NXN: variants seen among roughly 807,000 people sequenced by gnomAD.
NXN encodes nucleoredoxin 1.
NXN carries 16 observed loss-of-function variants against 48.6 expected under a neutral mutation model. That is an observed-to-expected ratio of 0.33 (90% confidence interval 0.22 to 0.50). The LOEUF is 0.50. NXN is among the 20% of genes least tolerant of loss of function. The pLI, the probability that NXN is intolerant of heterozygous loss-of-function variation, is 0.98. For synonymous variants in NXN, 281 were observed against 269.6 expected, an observed-to-expected ratio of 1.04 and a Z score of -0.41; for missense variants, 492 against 605.5, an observed-to-expected ratio of 0.81 and a Z score of 1.97.
chr17:901,172 C>T (rs4025779), intron 1 of NXN, among the ~76,000 whole-genome samples: 1 of 152,074 alleles, frequency 6.6e-6, no homozygotes, highest in African/African-American at 2.4e-5. Context: ...CTGCCCGCCT[C>T]GGCCTCCCAA....
chr17:973,094 C>G (rs947400526), intron 1 of NXN, among the ~76,000 whole-genome samples: 1 of 151,954 alleles, frequency 6.6e-6, no homozygotes. Context: ...TGCCTCTGTG[C>G]TCTAGCTCAC....
At chr17:862,361 CAT>C (rs1443847559) in intron 1 of NXN, among the ~76,000 whole-genome samples, 4 of 152,110 alleles carry the variant, frequency 2.6e-5, no homozygotes, top group Non-Finnish European at 4.4e-5. Flanking sequence ...AAAACATAAA[CAT>C]AAAAATAAAA....
intron 5 of NXN, among the ~76,000 whole-genome samples, chr17:812,843 GGTGTGTGCAT>G (rs1006703142): frequency 6.8e-6 from 1 of 146,166 alleles, no homozygotes; most frequent in Admixed American, 6.9e-5. Context: ...TGTGAGTGTA[GGTGTGTGCAT>G]GTGTGTAGGT....
At chr17:964,815 G>C (rs2069282622) in intron 1 of NXN, among the ~76,000 whole-genome samples, 1 of 152,192 alleles carries the variant, frequency 6.6e-6, no homozygotes, top group African/African-American at 2.4e-5. Context: ...AAGGACAGTG[G>C]GCTGCTTTGC....
Position 820,980 on chromosome 17 carries a change from G to A in NXN, c.713+1377C>T, listed in dbSNP as rs1185094793. On this transcript the variant is annotated intron_variant, in intron 4 of 7. Coordinates refer to ENST00000336868, the MANE Select transcript of NXN (RefSeq NM_022463.5). Reference sequence around the variant, plus strand: ...ACTGCTGCACCTGGCACGGCTTCACGCTGAGACGGGAGCTGTGGCATGGCA... The same window carrying A: ...ACTGCTGCACCTGGCACGGCTTCACACTGAGACGGGAGCTGTGGCATGGCA... 2.8e-5 allele frequency among the ~76,000 whole-genome samples: 2 copies of A among 71,988 alleles called. 1 individual carries two copies. Among genetic ancestry groups the A allele is most frequent in the Admixed American group, 2.7e-4 (2 of 7,384 alleles). The allele number at this position is 71,988 out of a possible 152,430, so 47.2% of individuals were successfully genotyped here.
intron 1 of NXN, among the ~76,000 whole-genome samples, chr17:924,236 C>CTTGT (rs1555622944): frequency 6.6e-6 from 1 of 151,412 alleles, no homozygotes. Flanking sequence ...TTTGGGACAG[C>CTTGT]TTATTTATTT....
intron 1 of NXN, among the ~76,000 whole-genome samples, chr17:895,056 G>A (rs2068462617): frequency 7.7e-6 from 1 of 130,402 alleles, no homozygotes; most frequent in East Asian, 2.4e-4. Flanking sequence ...TCACTCCGTC[G>A]CCCAGGCTGG....
chr17:835,034 C>T (rs1029454562), intron 1 of NXN, among the ~76,000 whole-genome samples: 5 of 151,190 alleles, frequency 3.3e-5, no homozygotes, highest in African/African-American at 4.8e-5. Flanking sequence ...GCAGGCCTGG[C>T]GCGGTGGCTC....
intron 1 of NXN, among the ~76,000 whole-genome samples, chr17:895,620 G>C: frequency 6.8e-6 from 1 of 146,898 alleles, no homozygotes; most frequent in Admixed American, 6.9e-5. Flanking sequence ...AGACCATCCT[G>C]GCTAACACGG....
At position 841,429 on chromosome 17, in the gene NXN, CACGG is replaced by C. The variant is rs1567827428; in HGVS notation, c.361-15355_361-15352del. ...TCCCCCCTGACCACGGCGCATCTCA[CACGG>C]GCGAGCAGGTCCCCCTGACCACGGC... On this transcript the variant is annotated intron_variant, in intron 1 of 7. Transcript: ENST00000336868. Among the ~76,000 whole-genome samples the C allele has an allele frequency of 1.3e-4, 15 of 119,804 alleles. 1 individual carries two copies. Among genetic ancestry groups the C allele is most frequent in the African/African-American group, 1.6e-4 (6 of 37,302 alleles). The allele number at this position is 119,804 out of a possible 152,430, so 78.6% of individuals were successfully genotyped here. A position where few individuals can be genotyped will look rare whatever the true frequency, so the allele number is the denominator to read the frequency against.
At chr17:853,723 A>ATATATATATATATATATATATATT (rs1491528474) in intron 1 of NXN, among the ~76,000 whole-genome samples, 3 of 106,002 alleles carry the variant, frequency 2.8e-5, no homozygotes, top group Non-Finnish European at 5.3e-5. Context: ...ATATATATAT[A>ATATATATATATATATATATATATT]TTTTTTTTTT....
At chr17:942,449 A>T (rs2068987851) in intron 1 of NXN, among the ~76,000 whole-genome samples, 1 of 57,184 alleles carries the variant, frequency 1.7e-5, no homozygotes, top group African/African-American at 6.1e-5. Flanking sequence ...TACAGTGAAC[A>T]AGATTCCAGG....
rs113930242 is a variant in NXN, at chr17:861,441, G to T, written c.361-35363C>A. Among the ~76,000 whole-genome samples, 9 of 152,200 alleles carry T rather than the reference G, an allele frequency of 5.9e-5. 1 individual carries two copies. The highest frequency in any genetic ancestry group is 1.9e-4 in the African/African-American group (8 of 41,530). On this transcript the variant is annotated intron_variant, in intron 1 of 7. Coordinates refer to ENST00000336868, the MANE Select transcript of NXN (RefSeq NM_022463.5). ...GAGCCGCCGCGCCTGACCATTCTTT[G>T]CTCTTTCTATTGAAAGTGGCTAGAG...
At chr17:936,105 A>C (rs1221902599) in intron 1 of NXN, among the ~76,000 whole-genome samples, 2 of 151,706 alleles carry the variant, frequency 1.3e-5, no homozygotes, top group Admixed American at 6.6e-5. Flanking sequence ...AAAAAAAAAA[A>C]AAAAAACCTC....
chr17:916,630 A>C (rs2144938689), intron 1 of NXN, among the ~76,000 whole-genome samples: 1 of 152,300 alleles, frequency 6.6e-6, no homozygotes. Flanking sequence ...CAGGATTTTA[A>C]CATTAAGCTC....
At chr17:886,996 C>T (rs2068355752) in intron 1 of NXN, among the ~76,000 whole-genome samples, 1 of 152,032 alleles carries the variant, frequency 6.6e-6, no homozygotes, top group African/African-American at 2.4e-5. Flanking sequence ...CGGCCTTAAC[C>T]TCCTGGGCTC....
intron 1 of NXN, among the ~76,000 whole-genome samples, chr17:842,287 G>A (rs1914373460): frequency 6.6e-6 from 1 of 152,242 alleles, no homozygotes; most frequent in Admixed American, 6.5e-5. Context: ...GGAGATGGCA[G>A]AATTTTATAC....
At chr17:959,249 T>C in intron 1 of NXN, 1 of 697,612 alleles carries the variant, frequency 1.4e-6, no homozygotes. Context: ...TCCCAGCCCC[T>C]CCAAAGCCTT....
Position 800,825 on chromosome 17 carries a change from C to T in NXN, c.*124G>A, listed in dbSNP as rs571777583. 220 of 572,714 alleles carry T rather than the reference C, an allele frequency of 3.8e-4. 8 individuals are homozygous for T. In the South Asian group the frequency reaches 9.5e-3, roughly 25 times the overall value. The allele number at this position is 572,714 out of a possible 1,614,324, so 35.5% of individuals were successfully genotyped here. On this transcript the variant is annotated 3_prime_UTR_variant, in exon 8 of 8. Transcript: ENST00000336868. Reference sequence around the variant, plus strand: ...AGTTTACTGCAGAAACAAGGCACCACAGAGAGGCTGGACACTTGGGTGGTG... The same window carrying T: ...AGTTTACTGCAGAAACAAGGCACCATAGAGAGGCTGGACACTTGGGTGGTG...
Sources: allele counts gnomAD v4.1 joint callset (sites outside exome capture counted in the v4.1 genomes callset), GRCh38; gene constraint gnomAD v4.1.1; transcripts MANE v1.5; gene names NCBI Gene and HGNC (gene_info 2026-07-23, HGNC 2026-07-21).